DROSHA: variants seen among roughly 807,000 people sequenced by gnomAD.
The protein encoded by DROSHA is drosha ribonuclease III.
Under a neutral mutation model 181.9 loss-of-function variants are expected in DROSHA, and 56 were observed. The ratio of observed to expected loss-of-function variants is 0.31; its 90% CI spans 0.25 to 0.38. The LOEUF (loss-of-function observed/expected upper bound fraction) is 0.38, where lower values mean the gene tolerates loss of function less well. Ranked by LOEUF, DROSHA falls within the 10% of genes least tolerant of loss-of-function variation. DROSHA has a pLI of 1.00. For synonymous variants in DROSHA, 524 were observed against 591.2 expected (o/e 0.89, Z 1.65); for missense variants, 1,218 against 1,743.5 (o/e 0.70, Z 5.37).
At chr5:31,459,515 G>A (rs1748131815) in intron 20 of DROSHA, among the ~76,000 whole-genome samples, 1 of 151,044 alleles carries the variant, frequency 6.6e-6, no homozygotes, top group Admixed American at 6.6e-5. Flanking sequence ...AAAAAATCAA[G>A]TATCTCATAC....
intron 30 of DROSHA, among the ~76,000 whole-genome samples, chr5:31,419,011 TAAA>T (rs1742310203): frequency 6.6e-6 from 1 of 152,162 alleles, no homozygotes; most frequent in African/African-American, 2.4e-5. Flanking sequence ...GAGACTCTAT[TAAA>T]AAGAGAACAT....
intron 20 of DROSHA, among the ~76,000 whole-genome samples, chr5:31,458,465 T>C (rs1747941513): frequency 6.6e-6 from 1 of 152,346 alleles, no homozygotes; most frequent in South Asian, 2.1e-4. Context: ...TCCAAAAGTA[T>C]TTTAAGTAAT....
intron 26 of DROSHA, 41 bp from the exon 27 acceptor site, chr5:31,429,586 A>G (rs767917863): frequency 1.9e-6 from 3 of 1,559,962 alleles, no homozygotes; most frequent in Non-Finnish European, 2.6e-6. Context: ...AGTCTCCATC[A>G]ACAGTCAAAG....
chr5:31,401,331 G>A lies in DROSHA; in HGVS notation c.*101C>T, dbSNP rs760456686. The A allele has an allele frequency of 2.1e-6, 3 of 1,463,410 alleles. No homozygotes were observed. The South Asian group carries it at 3.4e-5, about 17-fold the overall frequency. The allele number at this position is 1,463,410 out of a possible 1,614,324, so 90.7% of individuals were successfully genotyped here. On this transcript the variant is annotated 3_prime_UTR_variant, in exon 36 of 36. Transcript: ENST00000344624. ...TTGACTCTGTATTTTATTTCAATGA[G>A]CACACTTCATTCATTGTCTGCAGGA...
At chr5:31,528,306 CCTT>C (rs1740834699) in intron 4 of DROSHA, among the ~76,000 whole-genome samples, 1 of 152,278 alleles carries the variant, frequency 6.6e-6, no homozygotes, top group South Asian at 2.1e-4. Context: ...CCATCTCTCT[CCTT>C]GAGTGTCTCA....
chr5:31,480,392 C>T (rs1342691085), intron 16 of DROSHA, among the ~76,000 whole-genome samples: 1 of 151,638 alleles, frequency 6.6e-6, no homozygotes, highest in Non-Finnish European at 1.5e-5. Context: ...AGTTCAAAAA[C>T]AGGTAAAACT....
chr5:31,466,072 A>T lies in DROSHA; in HGVS notation c.2466+110T>A, dbSNP rs184387846. 774 of 1,128,320 alleles carry T rather than the reference A, an allele frequency of 6.9e-4. 7 individuals carry two copies. The highest frequency in any genetic ancestry group is 5.9e-3 in the African/African-American group (372 of 63,302). 69.9% of individuals were successfully genotyped at this position (1,128,320 alleles called of 1,614,324 possible). ...GAGGAGGGTAAAGTATGATTTTTTTAAAAAAATATTTTTCCATCTTGTACC... is the reference window on the plus strand; with the variant it reads ...GAGGAGGGTAAAGTATGATTTTTTTTAAAAAATATTTTTCCATCTTGTACC... On this transcript the variant is annotated intron_variant, in intron 19 of 35. Coordinates refer to ENST00000344624, the MANE Select transcript of DROSHA (RefSeq NM_001382508.1).
chr5:31,449,571 TA>T (rs1200226314), intron 21 of DROSHA, among the ~76,000 whole-genome samples, 152 bp from the exon 22 acceptor site: 1 of 151,734 alleles, frequency 6.6e-6, no homozygotes, highest in Non-Finnish European at 1.5e-5. Context: ...CTACAAAAAA[TA>T]AAAAATTAGG....
chr5:31,505,304 A>G (rs1369656320), intron 10 of DROSHA, among the ~76,000 whole-genome samples: 1 of 152,072 alleles, frequency 6.6e-6, no homozygotes, highest in Non-Finnish European at 1.5e-5. Context: ...GGAGAACAAC[A>G]TATATATGAT....
intron 11 of DROSHA, among the ~76,000 whole-genome samples, chr5:31,501,629 CTA>C (rs1753580598): frequency 6.6e-6 from 1 of 151,808 alleles, no homozygotes; most frequent in South Asian, 2.1e-4. Flanking sequence ...TGACTGCAAA[CTA>C]CCACAAACTT....
At chr5:31,471,988 T>TA in intron 17 of DROSHA, 75 bp downstream of exon 17, 1 of 1,399,658 alleles carries the variant, frequency 7.1e-7, no homozygotes, top group South Asian at 1.9e-5. Flanking sequence ...AATGTGCTGT[T>TA]ACTGTTTTCA....
Position 31,521,157 on chromosome 5 carries a change from T to C in DROSHA, c.913A>G (p.Arg305Gly). Reference sequence around the variant, plus strand: ...CTCTTATACTCTTTTTTGTAGGACCTTTCCAGAGATGGTGATCTTCGGTTG... The same window carrying C: ...CTCTTATACTCTTTTTTGTAGGACCCTTCCAGAGATGGTGATCTTCGGTTG... ...RDNRRSPSLE[R>G]SYKKEYKRSG... is the part of the protein sequence containing the mutation. Residue 305 changes from arginine to glycine, a missense_variant, in exon 6 of 36, where the codon AGG becomes GGG. Coordinates refer to ENST00000344624, the MANE Select transcript of DROSHA (RefSeq NM_001382508.1). The C allele has an allele frequency of 2.5e-6, 4 of 1,613,710 alleles. No homozygotes were observed. Among genetic ancestry groups the C allele is most frequent in the African/African-American group, 1.3e-5 (1 of 75,038 alleles).
chr5:31,513,148 G>C (rs1391672254), intron 8 of DROSHA, among the ~76,000 whole-genome samples: 1 of 152,240 alleles, frequency 6.6e-6, no homozygotes, highest in Non-Finnish European at 1.5e-5. Flanking sequence ...AGGGATGAAA[G>C]GAGAGCTCGG....
chr5:31,428,136 GGAGA>G (rs1743704986), intron 27 of DROSHA, among the ~76,000 whole-genome samples: 1 of 152,154 alleles, frequency 6.6e-6, no homozygotes, highest in Non-Finnish European at 1.5e-5. Flanking sequence ...TAGACAACTG[GGAGA>G]GAGGCAGTTT....
chr5:31,471,544 G>T (rs7701448), intron 17 of DROSHA, among the ~76,000 whole-genome samples: 88,494 of 151,664 alleles, frequency 0.58, 26,517 homozygotes, highest in Non-Finnish European at 0.65. Flanking sequence ...CCAAAGAAAT[G>T]TAAAATATTT....
chr5:31,464,240 C>T lies in DROSHA; in HGVS notation c.2570G>A (p.Cys857Tyr). 1 of 1,613,322 alleles carries T rather than the reference C, an allele frequency of 6.2e-7. No individual in the cohort carries two copies. The highest frequency in any genetic ancestry group is 8.5e-7 in the Non-Finnish European group (1 of 1,179,542). The stretch of plus-strand genomic sequence containing the variant: ...TGTCCTCAGAAGTCTCCCCACCTGA[C>T]AGACATCAGAACGGATGCCAGTTTT... ...FWKTGIRSDV[C>Y]QHAMMLPVLT... The change falls in exon 20 of 36, where the codon TGT (cysteine) becomes TAT (tyrosine). Residue 857 changes from cysteine (C) to tyrosine (Y), a missense_variant. Cys to Tyr is a radical substitution (Grantham distance 194). Transcript: ENST00000344624.
Position 31,409,429 on chromosome 5 carries a change from T to C in DROSHA, c.3668-97A>G. On this transcript the variant is annotated intron_variant, in intron 31 of 35. Coordinates refer to ENST00000344624, the MANE Select transcript of DROSHA (RefSeq NM_001382508.1). This position sits in a 1 kb window ranked among gnomAD's most constrained non-coding sequence, Gnocchi z 4.0. Reference sequence around the variant, plus strand: ...CCTTTAAGCAAAATTTTAGTAATAGTTTCAACTTCCAGGCCCTCTTTATTT... The same window carrying C: ...CCTTTAAGCAAAATTTTAGTAATAGCTTCAACTTCCAGGCCCTCTTTATTT... 9.1e-7 allele frequency: 1 copy of C among 1,097,264 alleles called. No individual in the cohort carries two copies. Among genetic ancestry groups the C allele is most frequent in the South Asian group, 1.5e-5 (1 of 64,656 alleles). The allele number at this position is 1,097,264 out of a possible 1,614,324, so 68.0% of individuals were successfully genotyped here. A position where few individuals can be genotyped will look rare whatever the true frequency, so the allele number is the denominator to read the frequency against.
At chr5:31,521,277 T>C in intron 5 of DROSHA, 62 bp from the exon 6 acceptor site, 3 of 1,549,792 alleles carry the variant, frequency 1.9e-6, no homozygotes, top group Non-Finnish European at 2.7e-6. Flanking sequence ...CCATCTCTTT[T>C]CACTGAATTC....
chr5:31,467,290 T>A (rs71627306), intron 18 of DROSHA: 30,459 of 101,734 alleles, frequency 0.3, 3,484 homozygotes, highest in East Asian at 0.46. Flanking sequence ...GAATCCTTTT[T>A]AAAAAAAAAA....
Sources: gnomAD v4.1 joint callset for allele counts (sites outside exome capture counted in the v4.1 genomes callset) on GRCh38, gnomAD v4.1.1 for gene constraint, Gnocchi (gnomAD v3.1) non-coding constraint, MANE v1.5 for transcripts, NCBI Gene and HGNC (gene_info 2026-07-23, HGNC 2026-07-21) for gene names.